Variants in PUDP observed in about 807,000 individuals in gnomAD.
PUDP encodes the protein pseudouridine 5'-phosphatase, also known as pseudouridine-5'-phosphatase.
PUDP carries 8 observed loss-of-function variants against 9.4 expected under a neutral mutation model. The ratio of observed to expected loss-of-function variants is 0.85; its 90% CI spans 0.50 to 1.53. The LOEUF is 1.53. Ranked by LOEUF, PUDP falls within the 40% of genes most tolerant of loss-of-function variation. The pLI is 0.00. For missense variants in PUDP, 188 were observed against 189.7 expected (o/e 0.99, Z 0.05); for synonymous variants, 99 against 80.7 (o/e 1.23, Z -1.22).
chrX:6,887,661 T>C (rs1373212443), intron 3 of PUDP, among the ~76,000 whole-genome samples: 1 of 111,837 alleles, frequency 8.9e-6, no homozygotes, highest in Non-Finnish European at 1.9e-5. Context: ...ACAGATTCAT[T>C]ACAAAGGACC....
intron 1 of PUDP, among the ~76,000 whole-genome samples, chrX:6,713,934 G>A (rs1367812819): frequency 9.0e-6 from 1 of 111,209 alleles, no homozygotes; most frequent in Non-Finnish European, 1.9e-5. Context: ...GTCTTGCTCT[G>A]TCACCCAGGA....
chrX:7,121,161 T>C (rs1198243885), intron 1 of PUDP, among the ~76,000 whole-genome samples: 2 of 111,881 alleles, frequency 1.8e-5, no homozygotes, highest in African/African-American at 3.3e-5. Flanking sequence ...AAAAACTTAT[T>C]AGGTTGGGAA....
At chrX:6,993,884 A>G (rs991032860) in intron 1 of PUDP, among the ~76,000 whole-genome samples, 2 of 111,771 alleles carry the variant, frequency 1.8e-5, no homozygotes, top group Non-Finnish European at 3.8e-5. Flanking sequence ...TGGGATGTCC[A>G]GTAGGGCACG....
intron 3 of PUDP, among the ~76,000 whole-genome samples, chrX:6,966,052 C>T (rs1216436655): frequency 1.8e-5 from 2 of 111,157 alleles, no homozygotes; most frequent in Non-Finnish European, 3.8e-5. Flanking sequence ...ACTCAGTTAT[C>T]TACAACTTAT....
chrX:7,133,712 G>A (rs141215892), intron 1 of PUDP, among the ~76,000 whole-genome samples: 4,660 of 111,567 alleles, frequency 0.042, 236 homozygotes, highest in African/African-American at 0.14. Context: ...TTCAAAACAC[G>A]TCCTTAAAAT....
chrX:6,751,932 TCCTC>T (rs1009121224), intron 3 of PUDP, among the ~76,000 whole-genome samples: 1 of 110,680 alleles, frequency 9.0e-6, no homozygotes, highest in African/African-American at 3.3e-5. Flanking sequence ...CTGTCCTGAA[TCCTC>T]CCTGGCCACT....
At chrX:6,726,709 T>A (rs761916169) in intron 3 of PUDP, among the ~76,000 whole-genome samples, 5 of 111,801 alleles carry the variant, frequency 4.5e-5, no homozygotes, top group African/African-American at 9.7e-5. Flanking sequence ...CAAGGGAGAT[T>A]TTTTTAATGT....
In PUDP at chrX:6,812,193, C is replaced by T. The variant is rs762573545; in HGVS notation, c.*248-105727G>A. On this transcript the variant is annotated intron_variant and NMD_transcript_variant, in intron 3 of 3. Coordinates refer to the PUDP transcript ENST00000655425. ...AGAAAGGTGTGCACAGACAGTCTCT[C>T]ATCCACCATCTTCAGACTCAAAGCA... is the stretch of plus-strand genomic sequence containing the variant. 8.0e-5 allele frequency among the ~76,000 whole-genome samples: 9 copies of T among 112,079 alleles called. No homozygotes were observed. In the South Asian group the frequency reaches 3.0e-3, roughly 37 times the overall value.
intron 3 of PUDP, among the ~76,000 whole-genome samples, chrX:6,955,410 G>A (rs1374048868): frequency 9.1e-6 from 1 of 109,833 alleles, no homozygotes; most frequent in African/African-American, 3.3e-5. Flanking sequence ...TTGTAGAGAT[G>A]GGTCTTGCTA....
chrX:6,943,550 AG>A (rs35668527), intron 3 of PUDP, among the ~76,000 whole-genome samples: 23,301 of 111,057 alleles, frequency 0.21, 1,966 homozygotes, highest in Admixed American at 0.35. Flanking sequence ...CACTTGATCC[AG>A]TGTGAGATGT....
At chrX:7,140,547 T>C (rs1008677266) in intron 1 of PUDP, among the ~76,000 whole-genome samples, 11 of 110,813 alleles carry the variant, frequency 9.9e-5, no homozygotes, top group Admixed American at 9.7e-4. Context: ...CAGAAAATAG[T>C]ATATAAATTA....
chrX:7,007,138 T>C (rs753980696), intron 1 of PUDP, among the ~76,000 whole-genome samples: 1 of 110,654 alleles, frequency 9.0e-6, no homozygotes, highest in African/African-American at 3.3e-5. Context: ...CTTAAATTCA[T>C]CTCTCCAGCT....
At chrX:6,984,253 G>C (rs900641401) in intron 1 of PUDP, among the ~76,000 whole-genome samples, 1 of 111,887 alleles carries the variant, frequency 8.9e-6, no homozygotes, top group Non-Finnish European at 1.9e-5. Context: ...CCAGAGACTG[G>C]AGAGGGGAAG....
At chrX:6,732,368 G>T (rs1227522758) in intron 3 of PUDP, among the ~76,000 whole-genome samples, 1 of 111,307 alleles carries the variant, frequency 9.0e-6, no homozygotes, top group Admixed American at 9.6e-5. Context: ...GAAAACCACT[G>T]TTTTCCCTGA....
intron 1 of PUDP, among the ~76,000 whole-genome samples, chrX:6,992,417 C>A (rs5979997): frequency 1.0e-4 from 10 of 96,498 alleles, no homozygotes; most frequent in Non-Finnish European, 2.1e-4. Flanking sequence ...GGACTACAGG[C>A]GCCCGCCACC....
In PUDP at chrX:6,859,276, T is replaced by C. The variant is rs1323285397; in HGVS notation, c.*247+117857A>G. Among the ~76,000 whole-genome samples, 3 of 111,680 alleles carry C rather than the reference T, an allele frequency of 2.7e-5. No individual in the cohort carries two copies. In the Admixed American group the frequency reaches 2.8e-4, roughly 11 times the overall value. On this transcript the variant is annotated intron_variant and NMD_transcript_variant, in intron 3 of 3. Transcript: ENST00000655425. ...ACTAATACAACACCCCAGTTACACATACTCCCATTACCATTGGAGGTGAAA... is the reference window on the plus strand; with the variant it reads ...ACTAATACAACACCCCAGTTACACACACTCCCATTACCATTGGAGGTGAAA...
intron 3 of PUDP, among the ~76,000 whole-genome samples, chrX:6,879,544 C>T (rs1927315098): frequency 9.0e-6 from 1 of 111,614 alleles, no homozygotes; most frequent in African/African-American, 3.3e-5. Flanking sequence ...CTCACTATGG[C>T]ATCTTGGGCA....
intron 3 of PUDP, among the ~76,000 whole-genome samples, chrX:6,746,549 C>T (rs1254569683): frequency 1.8e-5 from 2 of 111,022 alleles, no homozygotes; most frequent in African/African-American, 6.6e-5. Flanking sequence ...GCTATGTTTC[C>T]TAATTCTCTC....
intron 1 of PUDP, among the ~76,000 whole-genome samples, chrX:7,109,187 G>A (rs1357351572): frequency 8.9e-6 from 1 of 112,041 alleles, no homozygotes; most frequent in Non-Finnish European, 1.9e-5. Flanking sequence ...ACCCAGGCAT[G>A]AGCGCTCCTT....
Sources: gnomAD v4.1 joint callset for allele counts (sites outside exome capture counted in the v4.1 genomes callset) on GRCh38, gnomAD v4.1.1 for gene constraint, MANE v1.5 for transcripts, NCBI Gene and HGNC (gene_info 2026-07-23, HGNC 2026-07-21) for gene names.